Variants in ITCH observed in about 807,000 individuals in gnomAD.
ITCH encodes E3 ubiquitin-protein ligase Itchy homolog.
A neutral mutation model predicts 126.8 loss-of-function variants in ITCH; 28 were observed. The ratio of observed to expected loss-of-function variants is 0.22; its 90% CI spans 0.16 to 0.30. The LOEUF is 0.30. Ranked by LOEUF, ITCH falls within the 10% of genes least tolerant of loss-of-function variation. The pLI is 1.00. For synonymous variants in ITCH, 342 were observed against 340.0 expected, an observed-to-expected ratio of 1.01 and a Z score of -0.06; for missense variants, 631 against 1,032.4, an observed-to-expected ratio of 0.61 and a Z score of 5.33.
rs371372248 is a variant in ITCH at position 34,393,900 on chromosome 20, G to C, written c.70+19G>C. 2.9e-5 allele frequency: 47 copies of C among 1,605,170 alleles called. No homozygotes were observed. The African/African-American group carries it at 5.8e-4, about 20-fold the overall frequency. The stretch of plus-strand genomic sequence containing the variant: ...ATCACTGGTAAGTTTTAGAAACATC[G>C]GCTGCTTTACTTTATTTTTCCCCGT... On this transcript the variant is annotated intron_variant, in intron 3 of 24. Coordinates refer to ENST00000374864, the MANE Select transcript of ITCH (RefSeq NM_031483.7).
At chr20:34,388,100 C>CTT (rs533244733) in intron 2 of ITCH, among the ~76,000 whole-genome samples, 5 of 138,154 alleles carry the variant, frequency 3.6e-5, no homozygotes, top group East Asian at 2.1e-4. Context: ...CTTGTGAAGG[C>CTT]TTTTTTTTTT....
rs1988378295 is a variant in ITCH at position 34,477,800 on chromosome 20, G to A, written c.1598G>A (p.Arg533Gln). Residue 533 changes from arginine to glutamine, a missense_variant, in exon 17 of 25, where the codon CGA becomes CAA. By Grantham distance (43) the Arg-to-Gln change is conservative. Transcript: ENST00000374864. ...ATGAGCTTCAGTCCCCAAGATCTGC[G>A]AAGACGTTTGTGGGTGATTTTTCCA... ...QIMSFSPQDL[R>Q]RRLWVIFPGE... The A allele has an allele frequency of 6.2e-7, 1 of 1,613,592 alleles. No individual in the cohort carries two copies. The highest frequency in any genetic ancestry group is 8.5e-7 in the Non-Finnish European group (1 of 1,179,718).
At chr20:34,372,312 CAA>C (rs368969042) in intron 2 of ITCH, among the ~76,000 whole-genome samples, 8 of 73,066 alleles carry the variant, frequency 1.1e-4, no homozygotes, top group Non-Finnish European at 1.2e-4. Context: ...TACTTTGTCT[CAA>C]AAAAAAAAAA....
In ITCH at chr20:34,449,429, A is replaced by G. The variant is rs760529689; in HGVS notation, c.1159A>G (p.Thr387Ala). 1.2e-6 allele frequency: 2 copies of G among 1,610,504 alleles called. No homozygotes were observed. The highest frequency in any genetic ancestry group is 2.2e-5 in the East Asian group (1 of 44,814). Residue 387 changes from threonine to alanine, a missense_variant, in exon 12 of 25, where the codon ACA becomes GCA. Thr to Ala is a moderately conservative substitution (Grantham distance 58). This residue lies in a region of ITCH where 390 missense variants were observed against 731.6 expected (regional missense o/e 0.53). Coordinates refer to ENST00000374864, the MANE Select transcript of ITCH (RefSeq NM_031483.7). Reference sequence around the variant, plus strand: ...TTTTTAGAATCAAGATTTATTTGCTACATCACAAAGTAAAGAATTTGATCC... The same window carrying G: ...TTTTTAGAATCAAGATTTATTTGCTGCATCACAAAGTAAAGAATTTGATCC... Reference protein sequence around the residue: ...FIYGNQDLFATSQSKEFDPLG... With the variant: ...FIYGNQDLFAASQSKEFDPLG...
In ITCH at chr20:34,504,229, G is replaced by C. The variant is rs557096739; in HGVS notation, c.2417-102G>C. ...GATGTGTGGGGCCTGAGGATTTATG[G>C]TTCTAACAAGTTCCCTCATGATGCT... On this transcript the variant is annotated intron_variant, in intron 23 of 24. Coordinates refer to ENST00000374864, the MANE Select transcript of ITCH (RefSeq NM_031483.7). 138 of 866,856 alleles carry C rather than the reference G, an allele frequency of 1.6e-4. No homozygotes were observed. The African/African-American group carries it at 2.1e-3, about 13-fold the overall frequency. 53.7% of individuals were successfully genotyped at this position (866,856 alleles called of 1,614,324 possible).
chr20:34,414,013 C>T (rs1979444526), intron 6 of ITCH, 134 bp downstream of exon 6: 1 of 731,994 alleles, frequency 1.4e-6, no homozygotes. Context: ...TGTGGTGGCT[C>T]ACGCCTCTAA....
In ITCH at chr20:34,434,016, C is replaced by CTAT. The variant is rs377185885; in HGVS notation, c.522-4457_522-4455dup. ...GGGGGCTAGGCGCAGTGGCTCATGC[C>CTAT]TATAATCACAGCACTTTGGGAGGCT... is the stretch of plus-strand genomic sequence containing the variant. On this transcript the variant is annotated intron_variant, in intron 7 of 24. Coordinates refer to ENST00000374864, the MANE Select transcript of ITCH (RefSeq NM_031483.7). Among the ~76,000 whole-genome samples the CTAT allele has an allele frequency of 7.0e-4, 107 of 152,264 alleles. 1 individual carries two copies. The highest frequency in any genetic ancestry group is 2.5e-3 in the African/African-American group (104 of 41,546).
chr20:34,479,478 T>C, intron 17 of ITCH, 152 bp from the exon 18 acceptor site: 1 of 649,016 alleles, frequency 1.5e-6, no homozygotes, highest in Non-Finnish European at 2.7e-6. Flanking sequence ...GTGAAACAGA[T>C]GTGAGTTTGA....
At chr20:34,471,319 A>G (rs1987599774) in intron 15 of ITCH, 125 bp from the exon 16 acceptor site, 3 of 686,912 alleles carry the variant, frequency 4.4e-6, no homozygotes, top group South Asian at 3.2e-5. Flanking sequence ...TTGAATATAA[A>G]TTTATATTCA....
chr20:34,368,681 G>A (rs902846337), intron 1 of ITCH, among the ~76,000 whole-genome samples: 1 of 152,152 alleles, frequency 6.6e-6, no homozygotes. Context: ...CTCCAGTCTA[G>A]CAGTGTACTG....
intron 3 of ITCH, 87 bp from the exon 4 acceptor site, chr20:34,408,564 T>TAAA: frequency 7.9e-7 from 1 of 1,260,156 alleles, no homozygotes; most frequent in Non-Finnish European, 1.1e-6. Flanking sequence ...GTAAATTTAG[T>TAAA]AAATCTGCCT....
chr20:34,495,921 T>TA (rs35357680), intron 23 of ITCH, among the ~76,000 whole-genome samples: 4,803 of 49,916 alleles, frequency 0.096, 185 homozygotes, highest in Non-Finnish European at 0.12. Flanking sequence ...CTGAAAATAC[T>TA]AAAAAAAAAA....
chr20:34,463,406 G>A (rs941276852), intron 14 of ITCH, among the ~76,000 whole-genome samples: 2 of 152,150 alleles, frequency 1.3e-5, no homozygotes, highest in South Asian at 2.1e-4. Context: ...TTCCTACTTC[G>A]ATGACTTTTG....
chr20:34,426,775 T>G (rs553622017), intron 7 of ITCH, among the ~76,000 whole-genome samples: 21 of 137,720 alleles, frequency 1.5e-4, no homozygotes, highest in South Asian at 2.5e-4. Context: ...AGTTTTTTGG[T>G]TTTTTTTTTT....
Position 34,488,785 on chromosome 20 carries a change from C to A in ITCH, c.2094-481C>A, listed in dbSNP as rs79633807. Among the ~76,000 whole-genome samples, 427 of 152,268 alleles carry A rather than the reference C, an allele frequency of 2.8e-3. 24 individuals carry two copies. In the East Asian group the frequency reaches 0.078, roughly 28 times the overall value. On this transcript the variant is annotated intron_variant, in intron 20 of 24. Coordinates refer to ENST00000374864, the MANE Select transcript of ITCH (RefSeq NM_031483.7). Reference sequence around the variant, plus strand: ...GGCAATGGTGGCACACGCTTGTAATCGTAGCACTTTGGATGGCGGAGGCAG... The same window carrying A: ...GGCAATGGTGGCACACGCTTGTAATAGTAGCACTTTGGATGGCGGAGGCAG...
chr20:34,365,245 T>G (rs1157587825), intron 1 of ITCH, among the ~76,000 whole-genome samples: 1 of 152,104 alleles, frequency 6.6e-6, no homozygotes, highest in Non-Finnish European at 1.5e-5. Context: ...GAAATTCTAC[T>G]GCTTCTTTGA....
intron 1 of ITCH, among the ~76,000 whole-genome samples, chr20:34,363,692 C>T (rs773399665): frequency 2.6e-5 from 4 of 152,082 alleles, no homozygotes; most frequent in Admixed American, 6.6e-5. Context: ...CGCCTGGGGC[C>T]ACTCTCCAGC....
At chr20:34,450,268 C>G (rs1985033301) in intron 12 of ITCH, among the ~76,000 whole-genome samples, 2 of 152,056 alleles carry the variant, frequency 1.3e-5, no homozygotes, top group Non-Finnish European at 2.9e-5. Context: ...TTTTTTACAT[C>G]CTGTGAGTAA....
chr20:34,443,380 C>T (rs1342067619), intron 10 of ITCH, among the ~76,000 whole-genome samples: 3 of 151,706 alleles, frequency 2.0e-5, no homozygotes, highest in Non-Finnish European at 4.4e-5. Context: ...TGTTGTGGCG[C>T]GCCTGTAGTC....
Sources: gnomAD v4.1 joint callset for allele counts (sites outside exome capture counted in the v4.1 genomes callset) on GRCh38, gnomAD v4.1.1 for gene constraint, gnomAD v4.1.1 regional missense constraint, MANE v1.5 for transcripts, NCBI Gene and HGNC (gene_info 2026-07-23, HGNC 2026-07-21) for gene names.